Variants in TENM1 observed in about 807,000 individuals in gnomAD.
TENM1 encodes the protein teneurin transmembrane protein 1.
TENM1 carries 35 observed loss-of-function variants against 174.8 expected under a neutral mutation model. The ratio of observed to expected loss-of-function variants is 0.20; its 90% confidence interval spans 0.15 to 0.27. The LOEUF is 0.27. Among genes scored for constraint, TENM1 ranks in the 10% least tolerant of loss-of-function variants. TENM1 has a pLI of 1.00. For missense variants in TENM1, 1,633 were observed against 2,130.1 expected (o/e 0.77, Z 4.59); for synonymous variants, 781 against 798.7 (o/e 0.98, Z 0.37).
chrX:124,585,340 C>G (rs1399170153), intron 11 of TENM1, among the ~76,000 whole-genome samples: 1 of 111,540 alleles, frequency 9.0e-6, no homozygotes, highest in Non-Finnish European at 1.9e-5. Context: ...AACTGTCTCT[C>G]AGACCACAGT....
intron 20 of TENM1, among the ~76,000 whole-genome samples, chrX:124,492,343 T>C (rs2047086738): frequency 1.8e-5 from 2 of 111,711 alleles, no homozygotes; most frequent in Admixed American, 1.9e-4. Context: ...GTAGAATCAA[T>C]GAACATTATG....
At chrX:124,901,641 A>C (rs771678362) in intron 1 of TENM1, among the ~76,000 whole-genome samples, 1 of 110,796 alleles carries the variant, frequency 9.0e-6, no homozygotes, top group East Asian at 2.9e-4. Flanking sequence ...CCACACACAG[A>C]TAATTTTAAA....
chrX:124,728,038 A>C (rs2053481870), intron 4 of TENM1, among the ~76,000 whole-genome samples: 1 of 111,303 alleles, frequency 9.0e-6, no homozygotes, highest in Admixed American at 9.6e-5. Context: ...ACTCTTAACC[A>C]GTCTTACAGA....
chrX:125,048,899 T>G, the TENM1 span, among the ~76,000 whole-genome samples: 43 of 111,325 alleles, frequency 3.9e-4, no homozygotes, highest in African/African-American at 1.2e-3. Context: ...GGCAAATTAC[T>G]AAGTAACTTA....
rs999333232 is a variant in TENM1 at position 124,824,799 on chromosome X, A to G, written c.535+69497T>C. On this transcript the variant is annotated intron_variant, in intron 3 of 31. Coordinates refer to ENST00000422452, the Ensembl canonical transcript of TENM1. ...GGATATCATTTTGAATATTAAAAAC[A>G]CAATCCATATACTGTGTAGTACTAC... Among the ~76,000 whole-genome samples, 8 of 111,709 alleles carry G rather than the reference A, an allele frequency of 7.2e-5. No homozygotes were observed. In the East Asian group the frequency reaches 2.2e-3, roughly 31 times the overall value.
In TENM1 at chrX:124,547,109, A is replaced by G. The variant is rs1220287929; in HGVS notation, c.2435-19T>C. Reference sequence around the variant, plus strand: ...AAACCATCTGGAAATAAAACCCAAAACCAATATTGATTATTTAGCTTCAAG... The same window carrying G: ...AAACCATCTGGAAATAAAACCCAAAGCCAATATTGATTATTTAGCTTCAAG... On this transcript the variant is annotated intron_variant, in intron 14 of 31. Coordinates refer to ENST00000422452, the Ensembl canonical transcript of TENM1. 8.8e-7 allele frequency: 1 copy of G among 1,136,108 alleles called. No individual in the cohort carries two copies. The allele number at this position is 1,136,108 out of a possible 1,213,427, so 93.6% of individuals were successfully genotyped here. A position where few individuals can be genotyped will look rare whatever the true frequency, so the allele number is the denominator to read the frequency against.
At chrX:125,039,327 T>C in the TENM1 span, among the ~76,000 whole-genome samples, 1 of 111,034 alleles carries the variant, frequency 9.0e-6, no homozygotes, top group East Asian at 2.8e-4. Context: ...ATAACCCAAA[T>C]GGTGGGAATT....
At chrX:124,426,594 G>C (rs2060720609) in intron 23 of TENM1, among the ~76,000 whole-genome samples, 1 of 111,634 alleles carries the variant, frequency 9.0e-6, no homozygotes, top group Non-Finnish European at 1.9e-5. Flanking sequence ...GCACCATGTG[G>C]GGCTCTTTGC....
intron 16 of TENM1, among the ~76,000 whole-genome samples, chrX:124,525,789 G>C (rs113085795): frequency 0.012 from 1,383 of 111,340 alleles, 24 homozygotes; most frequent in African/African-American, 0.043. Flanking sequence ...CAGTTTTCTC[G>C]TTAGTAAAAT....
At chrX:124,824,741 T>A (rs2056116409) in intron 3 of TENM1, among the ~76,000 whole-genome samples, 1 of 112,049 alleles carries the variant, frequency 8.9e-6, no homozygotes, top group Non-Finnish European at 1.9e-5. Context: ...CACTGCAAAG[T>A]TGTTCTTACC....
chrX:124,584,600 A>G (rs959907443), intron 11 of TENM1, among the ~76,000 whole-genome samples: 2 of 111,669 alleles, frequency 1.8e-5, no homozygotes, highest in Non-Finnish European at 3.8e-5. Flanking sequence ...CGTAAAGACC[A>G]TCAAGGCTAG....
chrX:125,041,192 C>T, the TENM1 span, among the ~76,000 whole-genome samples: 1 of 111,424 alleles, frequency 9.0e-6, no homozygotes, highest in Non-Finnish European at 1.9e-5. Context: ...TTAGAACATC[C>T]ATAGTATTGT....
the TENM1 span, among the ~76,000 whole-genome samples, chrX:125,001,419 T>A: frequency 9.0e-6 from 1 of 111,485 alleles, no homozygotes; most frequent in Non-Finnish European, 1.9e-5. Context: ...TACTTGAAAC[T>A]AAACAATCTC....
chrX:124,498,195 C>A lies in TENM1; in HGVS notation c.3446-930G>T, dbSNP rs1050742158. Among the ~76,000 whole-genome samples, 5 of 111,390 alleles carry A rather than the reference C, an allele frequency of 4.5e-5. No individual in the cohort carries two copies. In the Admixed American group the frequency reaches 4.8e-4, roughly 11 times the overall value. ...CATCACCATGGCTCTTCTTTCCCCC[C>A]ATTCTTGAAACCTGATTAATCATTA... On this transcript the variant is annotated intron_variant, in intron 19 of 31. Transcript: ENST00000422452.
chrX:124,909,511 C>T (rs1218532391), intron 1 of TENM1, among the ~76,000 whole-genome samples: 1 of 112,015 alleles, frequency 8.9e-6, no homozygotes, highest in Admixed American at 9.5e-5. Flanking sequence ...TAAAAATAGA[C>T]CCTTAAACTA....
the TENM1 span, among the ~76,000 whole-genome samples, chrX:124,982,671 T>C: frequency 8.9e-6 from 1 of 112,391 alleles, no homozygotes; most frequent in Non-Finnish European, 1.9e-5. Context: ...GACATGGGCC[T>C]TTTATTTTAG....
chrX:124,964,656 C>T (rs1268668434), upstream of TENM1, among the ~76,000 whole-genome samples: 1 of 111,505 alleles, frequency 9.0e-6, no homozygotes. Flanking sequence ...CGGAGAGTTT[C>T]GAGACGATCA....
chrX:125,091,985 CAAA>C, the TENM1 span, among the ~76,000 whole-genome samples: 1 of 14,182 alleles, frequency 7.1e-5, no homozygotes, highest in African/African-American at 2.5e-4. Flanking sequence ...AACTCTGTCT[CAAA>C]AAAAAAAAAA....
intron 11 of TENM1, among the ~76,000 whole-genome samples, chrX:124,585,726 C>A (rs1281868706): frequency 9.0e-6 from 1 of 111,258 alleles, no homozygotes; most frequent in Non-Finnish European, 1.9e-5. Flanking sequence ...AAAAACCCTT[C>A]AAAAAATTAA....
Sources: gnomAD v4.1 joint callset for allele counts (sites outside exome capture counted in the v4.1 genomes callset) on GRCh38, gnomAD v4.1.1 for gene constraint, MANE v1.5 for transcripts, NCBI Gene and HGNC (gene_info 2026-07-23, HGNC 2026-07-21) for gene names.